Variants in COL6A3 observed in about 807,000 individuals in gnomAD.
COL6A3 encodes the protein collagen type VI alpha 3 chain.
COL6A3 carries 137 observed loss-of-function variants against 274.1 expected under a neutral mutation model. The ratio of observed to expected loss-of-function variants is 0.50; its 90% CI spans 0.44 to 0.58. The LOEUF is 0.58. COL6A3 is among the 20% of genes least tolerant of loss of function. The probability of loss-of-function intolerance (pLI) is 0.00; values close to 1 mark genes in which losing one functional copy is unlikely to be tolerated. For synonymous variants in COL6A3, 1,650 were observed against 1,650.6 expected (o/e 1.00, Z 0.01); for missense variants, 3,950 against 4,124.9 (o/e 0.96, Z 1.16).
Position 237,332,602 on chromosome 2 carries a change from G to A in COL6A3, c.9328+848C>T, listed in dbSNP as rs576695616. 3.9e-5 allele frequency among the ~76,000 whole-genome samples: 6 copies of A among 152,230 alleles called. No homozygotes were observed. In the South Asian group the frequency reaches 6.2e-4, roughly 16 times the overall value. On this transcript the variant is annotated intron_variant, in intron 42 of 43. Coordinates refer to ENST00000295550, the MANE Select transcript of COL6A3 (RefSeq NM_004369.4). ...TGCTTTCCTCCTCCTGACAGTAGAC[G>A]ATACACCAAAAAATAATGAATTGTC... is the stretch of plus-strand genomic sequence containing the variant.
chr2:237,375,612 A>G (rs2077818088), intron 7 of COL6A3, among the ~76,000 whole-genome samples: 1 of 152,144 alleles, frequency 6.6e-6, no homozygotes, highest in Non-Finnish European at 1.5e-5. Context: ...GCGCAATCTC[A>G]GCTCACTGCA....
intron 1 of COL6A3, among the ~76,000 whole-genome samples, chr2:237,406,627 C>T (rs1482467780): frequency 6.6e-6 from 1 of 151,266 alleles, no homozygotes; most frequent in Non-Finnish European, 1.5e-5. Context: ...ATTTCTTTCT[C>T]TTTTTCTCAC....
In COL6A3 at chr2:237,396,748, G is replaced by A. The variant is rs769211133; in HGVS notation, c.70C>T (p.His24Tyr). The A allele has an allele frequency of 4.3e-6, 7 of 1,614,020 alleles. No homozygotes were observed. The African/African-American group carries it at 6.7e-5, about 15-fold the overall frequency. ...TTACCTGCTTGCTGCTGCTGGGCAT[G>A]AGTTGTAGGAAAGCCTGAGAGAAAG... ...CLFLSGFPTT[H>Y]AQQQQADVKN... The change falls in exon 2 of 44, where the codon CAT (histidine) becomes TAT (tyrosine). Residue 24 changes from histidine (H) to tyrosine (Y), a missense_variant. Around this residue, in one of 5 missense-constraint regions of COL6A3, gnomAD observed 1,934 missense variants for 1,984.3 expected, o/e 0.97. Transcript: ENST00000295550.
chr2:237,348,599 C>G lies in COL6A3; in HGVS notation c.6930+14G>C. On this transcript the variant is annotated intron_variant, in intron 29 of 43. Transcript: ENST00000295550. ...GCAGCAAGGACGCTTGGATAATCCT[C>G]AGCAGATACGTACTTTTTTGCCTCT... is the stretch of plus-strand genomic sequence containing the variant. 6.2e-7 allele frequency: 1 copy of G among 1,613,082 alleles called. No individual in the cohort carries two copies. The highest frequency in any genetic ancestry group is 8.5e-7 in the Non-Finnish European group (1 of 1,179,146).
intron 4 of COL6A3, among the ~76,000 whole-genome samples, chr2:237,385,383 G>GA (rs1290052072): frequency 5.9e-5 from 9 of 152,200 alleles, no homozygotes; most frequent in South Asian, 2.1e-4. Context: ...CTTGGCTAGG[G>GA]AAAATCTGAA....
rs765665120 is a variant in COL6A3, at chr2:237,395,127, G to C, written c.169C>G (p.Leu57Val). The C allele has an allele frequency of 1.2e-6, 2 of 1,613,930 alleles. No individual in the cohort carries two copies. Among genetic ancestry groups the C allele is most frequent in the East Asian group, 4.5e-5 (2 of 44,890 alleles). Reference sequence around the variant, plus strand: ...ACATCATATAGAAACTCTCGAACAAGTTGGAAATGTTCCTCTCCAATGGTC... The same window carrying C: ...ACATCATATAGAAACTCTCGAACAACTTGGAAATGTTCCTCTCCAATGGTC... ...SWTIGEEHFQ[L>V]VREFLYDVVK... The change falls in exon 3 of 44, where the codon CTT (leucine) becomes GTT (valine). Residue 57 changes from leucine (L) to valine (V), a missense_variant. Coordinates refer to ENST00000295550, the MANE Select transcript of COL6A3 (RefSeq NM_004369.4).
At chr2:237,342,687 T>C (rs1395038030) in intron 36 of COL6A3, 1 of 158,824 alleles carries the variant, frequency 6.3e-6, no homozygotes, top group Non-Finnish European at 1.4e-5. Context: ...TTTGAATGAA[T>C]GAATGAGCAA....
At chr2:237,339,650 T>C (rs957579707) in intron 38 of COL6A3, among the ~76,000 whole-genome samples, 2 of 152,226 alleles carry the variant, frequency 1.3e-5, no homozygotes, top group Non-Finnish European at 2.9e-5. Context: ...CCTTAAATAA[T>C]AAACATTTAG....
chr2:237,377,757 A>G (rs201285349), intron 6 of COL6A3, among the ~76,000 whole-genome samples: 4 of 146,666 alleles, frequency 2.7e-5, no homozygotes, highest in African/African-American at 5.0e-5. Flanking sequence ...AGAAAAAAAA[A>G]GGGGGGGCTG....
intron 28 of COL6A3, among the ~76,000 whole-genome samples, chr2:237,349,463 TTCAG>T (rs752596585): frequency 6.6e-6 from 1 of 152,238 alleles, no homozygotes; most frequent in Non-Finnish European, 1.5e-5. Context: ...GTTTTTAAAC[TTCAG>T]TTAGTTGAAA....
chr2:237,388,386 G>T (rs879410133), intron 3 of COL6A3, among the ~76,000 whole-genome samples: 15 of 152,152 alleles, frequency 9.9e-5, no homozygotes, highest in Non-Finnish European at 1.6e-4. Flanking sequence ...TAGAAATCAT[G>T]GTGTAAAAAA....
chr2:237,388,118 G>A lies in COL6A3; in HGVS notation c.776C>T (p.Ala259Val), dbSNP rs149924028. 4.8e-4 allele frequency: 772 copies of A among 1,614,186 alleles called. 1 individual carries two copies. Among genetic ancestry groups the A allele is most frequent in the Non-Finnish European group, 6.2e-4 (731 of 1,180,030 alleles). The change falls in exon 4 of 44, where the codon GCA (alanine) becomes GTA (valine). Residue 259 changes from alanine (A) to valine (V), a missense_variant. Ala to Val is a moderately conservative substitution (Grantham distance 64). This residue lies in a region of COL6A3 where 1,934 missense variants were observed against 1,984.3 expected (regional missense o/e 0.97). Transcript: ENST00000295550. ...GSNNTGSVNF[A>V]VILDFLVNLL... ...ATTTACAAGGAAGTCGAGAATGACT[G>A]CGAAATTGACACTTCCGGTGTTGTT...
intron 5 of COL6A3, among the ~76,000 whole-genome samples, chr2:237,380,489 C>A (rs538030765): frequency 6.6e-6 from 1 of 152,130 alleles, no homozygotes; most frequent in Non-Finnish European, 1.5e-5. Context: ...GACACTGTGC[C>A]CTAAACAGCT....
intron 23 of COL6A3, chr2:237,357,018 A>T (rs66524529): frequency 2.4e-6 from 1 of 417,840 alleles, no homozygotes; most frequent in South Asian, 3.6e-5. Flanking sequence ...TCCCTCCCCC[A>T]GTATTAGGAT....
Position 237,374,785 on chromosome 2 carries a change from T to C in COL6A3, c.3306A>G (p.Gly1102=), listed in dbSNP as rs755593009. Residue 1102 remains glycine (G), a synonymous_variant, in exon 8 of 44, where the codon GGA becomes GGG. Transcript: ENST00000295550. The surrounding 1 kb of genome is among the most constrained non-coding windows in gnomAD (Gnocchi z 4.8). ...VNAVRQLTLL[G]GPTPNTGAAL... ...CGGCCCCGGTGTTGGGGGTCGGCCC[T>C]CCCAGCAGGGTCAGCTGGCGGACAG... 6.2e-7 allele frequency: 1 copy of C among 1,614,038 alleles called. No homozygotes were observed. Among genetic ancestry groups the C allele is most frequent in the Non-Finnish European group, 8.5e-7 (1 of 1,180,010 alleles).
At chr2:237,350,347 A>G in intron 27 of COL6A3, 138 bp from the exon 28 acceptor site, 1 of 777,098 alleles carries the variant, frequency 1.3e-6, no homozygotes. Flanking sequence ...ATGATTTTCT[A>G]AATTGCAACA....
chr2:237,370,010 T>A (rs2077647883), intron 9 of COL6A3, among the ~76,000 whole-genome samples: 1 of 151,798 alleles, frequency 6.6e-6, no homozygotes, highest in Non-Finnish European at 1.5e-5. Context: ...GCCTTTATTT[T>A]TTAAATTTCA....
At chr2:237,387,528 A>G in intron 4 of COL6A3, 54 bp downstream of exon 4, 2 of 1,612,920 alleles carry the variant, frequency 1.2e-6, no homozygotes, top group Non-Finnish European at 8.5e-7. Flanking sequence ...GTCTATGTAA[A>G]CCAACACACA....
At position 237,388,052 on chromosome 2, in the gene COL6A3, A is replaced by T; in HGVS notation, c.842T>A (p.Val281Glu). The change falls in exon 4 of 44, where the codon GTG becomes GAG. Residue 281 changes from valine to glutamate, a missense_variant. Coordinates refer to ENST00000295550, the MANE Select transcript of COL6A3 (RefSeq NM_004369.4). ...KLPIGTQQIRVGVVQFSDEPR... is the reference protein window; with the variant it reads ...KLPIGTQQIREGVVQFSDEPR... ...CTCATCGCTAAACTGGACCACCCCCACTCGGATCTGCTGAGTTCCAATTGG... is the reference window on the plus strand; with the variant it reads ...CTCATCGCTAAACTGGACCACCCCCTCTCGGATCTGCTGAGTTCCAATTGG... The T allele has an allele frequency of 6.2e-7, 1 of 1,614,060 alleles. No individual in the cohort carries two copies. The highest frequency in any genetic ancestry group is 1.3e-5 in the African/African-American group (1 of 74,994).
Sources: gnomAD v4.1 joint callset for allele counts (sites outside exome capture counted in the v4.1 genomes callset) on GRCh38, gnomAD v4.1.1 for gene constraint, gnomAD v4.1.1 regional missense constraint, Gnocchi (gnomAD v3.1) non-coding constraint, MANE v1.5 for transcripts, NCBI Gene and HGNC (gene_info 2026-07-23, HGNC 2026-07-21) for gene names.